The following LRRN1 variants were observed in gnomAD, a reference collection of about 807,000 sequenced individuals.
The protein encoded by LRRN1 is leucine rich repeat neuronal 1, also known as leucine-rich repeat neuronal protein 1.
A neutral mutation model predicts 45.8 loss-of-function variants in LRRN1; 14 were observed. The ratio of observed to expected loss-of-function variants is 0.31; its 90% CI spans 0.20 to 0.48. LRRN1 has a LOEUF of 0.48. LRRN1 is among the 20% of genes least tolerant of loss of function. The probability of loss-of-function intolerance (pLI) is 0.99; values close to 1 mark genes in which losing one functional copy is unlikely to be tolerated. For synonymous variants in LRRN1, 359 were observed against 330.1 expected (o/e 1.09, Z -0.95); for missense variants, 789 against 874.2 (o/e 0.90, Z 1.23).
At chr3:3,821,129 C>T (rs950912319) in intron 1 of LRRN1, among the ~76,000 whole-genome samples, 2 of 152,186 alleles carry the variant, frequency 1.3e-5, no homozygotes, top group African/African-American at 4.8e-5. Context: ...ATGTGCATTC[C>T]CTTAAAACGA....
In LRRN1 at chr3:3,847,999, A is replaced by G. The variant is rs1047576695; in HGVS notation, c.*1207A>G. On this transcript the variant is annotated 3_prime_UTR_variant, in exon 2 of 2. Coordinates refer to ENST00000319331, the MANE Select transcript of LRRN1 (RefSeq NM_020873.7). ...ACAATGCGTGTGTATATATATATGA[A>G]TATATTGGATATGTCATTTCTGTAA... Among the ~76,000 whole-genome samples the G allele has an allele frequency of 1.3e-5, 2 of 152,174 alleles. No homozygotes were observed. Among genetic ancestry groups the G allele is most frequent in the African/African-American group, 4.8e-5 (2 of 41,440 alleles).
At chr3:3,840,661 G>A (rs575405506) in intron 1 of LRRN1, among the ~76,000 whole-genome samples, 15 of 152,270 alleles carry the variant, frequency 9.9e-5, no homozygotes, top group African/African-American at 3.4e-4. Flanking sequence ...CTAGGATGTG[G>A]AGAGGAAATT....
intron 1 of LRRN1, among the ~76,000 whole-genome samples, chr3:3,812,635 T>C (rs747643781): frequency 6.6e-6 from 1 of 152,140 alleles, no homozygotes; most frequent in African/African-American, 2.4e-5. Flanking sequence ...AAGGCTTGAA[T>C]TGGTGGAGAG....
intron 1 of LRRN1, among the ~76,000 whole-genome samples, chr3:3,822,102 C>G (rs779334078): frequency 6.6e-6 from 1 of 152,226 alleles, no homozygotes; most frequent in African/African-American, 2.4e-5. Context: ...GTACTAGTTC[C>G]AAGACCTTGG....
intron 1 of LRRN1, among the ~76,000 whole-genome samples, chr3:3,830,361 C>T (rs945751360): frequency 3.9e-5 from 6 of 152,326 alleles, no homozygotes; most frequent in African/African-American, 9.6e-5. Context: ...GCCCATGAAT[C>T]GGTATATACT....
chr3:3,845,245 C>A lies in LRRN1; in HGVS notation c.604C>A (p.Pro202Thr). Reference sequence around the variant, plus strand: ...GGAAATTCTCATGATCGGAGAAAACCCTGTGATTGGAATTCTGGATATGAA... The same window carrying A: ...GGAAATTCTCATGATCGGAGAAAACACTGTGATTGGAATTCTGGATATGAA... Reference protein sequence around the residue: ...NLEILMIGENPVIGILDMNFK... With the variant: ...NLEILMIGENTVIGILDMNFK... The change falls in exon 2 of 2, where the codon CCT (proline) becomes ACT (threonine). Residue 202 changes from proline (P) to threonine (T), a missense_variant. By Grantham distance (38) the Pro-to-Thr change is conservative. Coordinates refer to ENST00000319331, the MANE Select transcript of LRRN1 (RefSeq NM_020873.7). This position sits in a 1 kb window ranked among gnomAD's most constrained non-coding sequence, Gnocchi z 6.5. The A allele has an allele frequency of 2.5e-6, 4 of 1,614,094 alleles. No individual in the cohort carries two copies. The highest frequency in any genetic ancestry group is 1.1e-5 in the South Asian group (1 of 91,082).
chr3:3,818,809 C>T (rs887474553), intron 1 of LRRN1, among the ~76,000 whole-genome samples: 1 of 152,154 alleles, frequency 6.6e-6, no homozygotes, highest in African/African-American at 2.4e-5. Context: ...GTACCTCTGT[C>T]TCCCTATCTG....
At position 3,845,014 on chromosome 3, in the gene LRRN1, C is replaced by T; in HGVS notation, c.373C>T (p.His125Tyr). ...AAACCTAACCCAGCTCACAACGCTGCATTTGGAGGAAAATCAGATTACCGA... is the reference window on the plus strand; with the variant it reads ...AAACCTAACCCAGCTCACAACGCTGTATTTGGAGGAAAATCAGATTACCGA... ...LANLTQLTTL[H>Y]LEENQITEMT... The change falls in exon 2 of 2, where the codon CAT (histidine) becomes TAT (tyrosine). Residue 125 changes from histidine (H) to tyrosine (Y), a missense_variant. Physicochemically the swap from His to Tyr is moderately conservative, Grantham distance 83. Transcript: ENST00000319331. The surrounding 1 kb of genome is among the most constrained non-coding windows in gnomAD (Gnocchi z 6.5). The T allele has an allele frequency of 1.2e-6, 2 of 1,614,136 alleles. No individual in the cohort carries two copies. Among genetic ancestry groups the T allele is most frequent in the Non-Finnish European group, 8.5e-7 (1 of 1,180,016 alleles).
chr3:3,825,230 G>C (rs1693191977), intron 1 of LRRN1, among the ~76,000 whole-genome samples: 1 of 152,130 alleles, frequency 6.6e-6, no homozygotes, highest in East Asian at 1.9e-4. Context: ...TCCTGAAAGG[G>C]CTAAAGTGCC....
At chr3:3,823,284 C>T (rs1203800206) in intron 1 of LRRN1, among the ~76,000 whole-genome samples, 1 of 151,974 alleles carries the variant, frequency 6.6e-6, no homozygotes, top group African/African-American at 2.4e-5. Context: ...TCATTTGATT[C>T]CTTCCTTCAT....
intron 1 of LRRN1, among the ~76,000 whole-genome samples, chr3:3,821,025 C>G (rs1045404634): frequency 1.3e-5 from 2 of 152,192 alleles, no homozygotes; most frequent in Non-Finnish European, 2.9e-5. Context: ...TAAACGTGGT[C>G]TGCATGACAG....
At chr3:3,834,544 A>ACC (rs1559302771) in intron 1 of LRRN1, among the ~76,000 whole-genome samples, 1 of 115,258 alleles carries the variant, frequency 8.7e-6, no homozygotes, top group African/African-American at 3.3e-5. Flanking sequence ...ATATATATAT[A>ACC]TATATATATG....
chr3:3,840,170 G>A (rs558305111), intron 1 of LRRN1, among the ~76,000 whole-genome samples: 2 of 152,068 alleles, frequency 1.3e-5, no homozygotes, highest in Non-Finnish European at 2.9e-5. Context: ...CATTTGTTGA[G>A]TGTTTTTATC....
Position 3,845,442 on chromosome 3 carries a change from C to T in LRRN1, c.801C>T (p.Phe267=). ...LALQKVPNLK[F]LDLNKNPIHK... ...TGCAAAAAGTTCCAAATTTGAAATTCTTAGACCTCAACAAAAACCCCATTC... is the reference window on the plus strand; with the variant it reads ...TGCAAAAAGTTCCAAATTTGAAATTTTTAGACCTCAACAAAAACCCCATTC... The change falls in exon 2 of 2, where the codon TTC becomes TTT. Residue 267 remains phenylalanine, a synonymous_variant. Coordinates refer to ENST00000319331, the MANE Select transcript of LRRN1 (RefSeq NM_020873.7). This position sits in a 1 kb window ranked among gnomAD's most constrained non-coding sequence, Gnocchi z 6.5. 6.2e-7 allele frequency: 1 copy of T among 1,614,090 alleles called. No individual in the cohort carries two copies. The highest frequency in any genetic ancestry group is 8.5e-7 in the Non-Finnish European group (1 of 1,179,996).
chr3:3,833,258 T>C (rs1693408039), intron 1 of LRRN1, among the ~76,000 whole-genome samples: 1 of 152,336 alleles, frequency 6.6e-6, no homozygotes, highest in Middle Eastern at 3.4e-3. Context: ...TTTGGATCCC[T>C]TCCTCTACAT....
intron 1 of LRRN1, among the ~76,000 whole-genome samples, chr3:3,826,834 G>A (rs1048453328): frequency 2.0e-5 from 3 of 152,110 alleles, no homozygotes; most frequent in East Asian, 1.9e-4. Context: ...CGTTCAGATC[G>A]TATGTGCAAG....
At chr3:3,812,292 G>A (rs1692890885) in intron 1 of LRRN1, among the ~76,000 whole-genome samples, 1 of 152,146 alleles carries the variant, frequency 6.6e-6, no homozygotes, top group South Asian at 2.1e-4. Context: ...AGTACACGAG[G>A]CCAGGAGAAT....
chr3:3,805,181 A>G (rs998956543), intron 1 of LRRN1, among the ~76,000 whole-genome samples: 1 of 152,230 alleles, frequency 6.6e-6, no homozygotes, highest in East Asian at 1.9e-4. Flanking sequence ...AGGAAACAAA[A>G]AAGGAGTTTG....
At position 3,844,528 on chromosome 3, in the gene LRRN1, G is replaced by C. The variant is rs1160356548; in HGVS notation, c.-114G>C. 4 of 819,310 alleles carry C rather than the reference G, an allele frequency of 4.9e-6. No homozygotes were observed. Among genetic ancestry groups the C allele is most frequent in the Non-Finnish European group, 7.6e-6 (4 of 523,084 alleles). The allele number at this position is 819,310 out of a possible 1,614,324, so 50.8% of individuals were successfully genotyped here. On this transcript the variant is annotated 5_prime_UTR_variant, in exon 2 of 2. Coordinates refer to ENST00000319331, the MANE Select transcript of LRRN1 (RefSeq NM_020873.7). ...CTGGAATTCTACACAGCTCAACCAA[G>C]ACTTTGCTTGAATGTTTACATTTTC...
Sources: allele counts gnomAD v4.1 joint callset (sites outside exome capture counted in the v4.1 genomes callset), GRCh38; gene constraint gnomAD v4.1.1; non-coding constraint Gnocchi (gnomAD v3.1); transcripts MANE v1.5; gene names NCBI Gene and HGNC (gene_info 2026-07-23, HGNC 2026-07-21).